The following POLR3G variants were observed in gnomAD, a reference collection of about 807,000 sequenced individuals.
POLR3G encodes the protein DNA-directed RNA polymerase III subunit RPC7.
In POLR3G, 28 loss-of-function variants were observed where a neutral mutation model predicts 30.1. The ratio of observed to expected loss-of-function variants is 0.93; its 90% CI spans 0.69 to 1.27. The LOEUF (loss-of-function observed/expected upper bound fraction) is 1.27, where lower values mean the gene tolerates loss of function less well. Ranked by LOEUF, POLR3G falls within the 50% of genes most tolerant of loss-of-function variation. The pLI, the probability that POLR3G is intolerant of heterozygous loss-of-function variation, is 0.00. For missense variants in POLR3G, 254 were observed against 264.6 expected, an observed-to-expected ratio of 0.96 and a Z score of 0.28; for synonymous variants, 79 against 82.5, an observed-to-expected ratio of 0.96 and a Z score of 0.23.
At chr5:90,493,121 G>A (rs760056152) in intron 3 of POLR3G, among the ~76,000 whole-genome samples, 8 of 152,220 alleles carry the variant, frequency 5.3e-5, no homozygotes, top group Non-Finnish European at 1.2e-4. Flanking sequence ...GGCAGCCGAT[G>A]CACAGAAAAC....
chr5:90,474,145 G>A (rs992594985), upstream of POLR3G: 12 of 1,592,786 alleles, frequency 7.5e-6, no homozygotes, highest in African/African-American at 1.3e-4. Flanking sequence ...AGGCTGCGCA[G>A]CCCCAGGCCT....
intron 2 of POLR3G, among the ~76,000 whole-genome samples, chr5:90,487,626 C>T (rs769065274): frequency 4.0e-5 from 6 of 151,880 alleles, no homozygotes; most frequent in South Asian, 2.1e-4. Context: ...CTCCTGACCT[C>T]GTGATCCACC....
chr5:90,474,831 C>T (rs75765571), upstream of POLR3G: 1,074 of 170,858 alleles, frequency 6.3e-3, 12 homozygotes, highest in African/African-American at 0.024. Context: ...TGGGGCCTTC[C>T]TAGGGAGTGG....
In POLR3G at chr5:90,497,676, G is replaced by T; in HGVS notation, c.325G>T (p.Glu109Ter). The part of the protein sequence containing the change: ...WIPDWRRLPR[E>*]MMPRNKCKKA... Reference sequence around the variant, plus strand: ...TACAGATTGGAGAAGACTTCCAAGAGAGATGATGCCAAGAAATAAATGTAA... The same window carrying T: ...TACAGATTGGAGAAGACTTCCAAGATAGATGATGCCAAGAAATAAATGTAA... The change falls in exon 5 of 8, where the codon GAG (glutamate) becomes TAG (stop). Residue 109 changes from glutamate to a stop codon, truncating the protein, a stop_gained. Coordinates refer to ENST00000651687, the MANE Select transcript of POLR3G (RefSeq NM_006467.3). LOFTEE classifies it high-confidence loss of function. 1 of 1,603,648 alleles carries T rather than the reference G, an allele frequency of 6.2e-7. No homozygotes were observed. Among genetic ancestry groups the T allele is most frequent in the Non-Finnish European group, 8.5e-7 (1 of 1,175,590 alleles).
At chr5:90,499,999 GA>G (rs1366687938) in intron 5 of POLR3G, among the ~76,000 whole-genome samples, 1 of 152,100 alleles carries the variant, frequency 6.6e-6, no homozygotes, top group African/African-American at 2.4e-5. Flanking sequence ...TTAAAGCTGA[GA>G]AAAATGTGTT....
chr5:90,498,144 T>TC (rs896380197), intron 5 of POLR3G, among the ~76,000 whole-genome samples: 1 of 152,156 alleles, frequency 6.6e-6, no homozygotes, highest in South Asian at 2.1e-4. Context: ...CCTCTCTCTG[T>TC]CCCCCCATGT....
chr5:90,495,812 T>G, intron 4 of POLR3G, 79 bp downstream of exon 4: 1 of 1,480,726 alleles, frequency 6.8e-7, no homozygotes, highest in East Asian at 2.5e-5. Context: ...TAGAATAAGT[T>G]TTCTATTTTT....
chr5:90,487,992 T>C lies in POLR3G; in HGVS notation c.118-8T>C. The C allele has an allele frequency of 6.5e-7, 1 of 1,533,814 alleles. No individual in the cohort carries two copies. Among genetic ancestry groups the C allele is most frequent in the African/African-American group, 1.4e-5 (1 of 71,162 alleles). On this transcript the variant is annotated splice_polypyrimidine_tract_variant and splice_region_variant and intron_variant, in intron 2 of 7. Coordinates refer to ENST00000651687, the MANE Select transcript of POLR3G (RefSeq NM_006467.3). ...TTGAAAAAAATCTTTGTCTCTTAAT[T>C]TAAACAGGATACAGATTATAAACCA...
At chr5:90,496,468 T>G (rs1471617559) in intron 4 of POLR3G, among the ~76,000 whole-genome samples, 2 of 152,276 alleles carry the variant, frequency 1.3e-5, no homozygotes, top group Non-Finnish European at 2.9e-5. Flanking sequence ...GATCTTCCTT[T>G]CTTTTAAGCA....
chr5:90,492,605 G>A (rs895478230), intron 3 of POLR3G, among the ~76,000 whole-genome samples: 9 of 152,042 alleles, frequency 5.9e-5, no homozygotes, highest in African/African-American at 2.2e-4. Context: ...GACATCAGCC[G>A]GGCGCAGTGG....
intron 7 of POLR3G, 56 bp downstream of exon 7, chr5:90,506,730 T>A: frequency 6.5e-7 from 1 of 1,541,996 alleles, no homozygotes; most frequent in Non-Finnish European, 8.7e-7. Context: ...TAATAAGGAA[T>A]CAGATATAGA....
intron 3 of POLR3G, chr5:90,490,570 AAT>A: frequency 5.2e-6 from 2 of 387,530 alleles, no homozygotes; most frequent in South Asian, 1.8e-5. Flanking sequence ...GCTAACTTTT[AAT>A]TTTTTTTTTT....
intron 7 of POLR3G, among the ~76,000 whole-genome samples, 183 bp downstream of exon 7, chr5:90,506,857 A>G (rs1268967442): frequency 6.6e-6 from 1 of 152,240 alleles, no homozygotes; most frequent in Non-Finnish European, 1.5e-5. Context: ...GAGAACTATT[A>G]TAGCATTGAA....
At chr5:90,489,966 G>T (rs146061558) in intron 3 of POLR3G, among the ~76,000 whole-genome samples, 2 of 152,056 alleles carry the variant, frequency 1.3e-5, no homozygotes, top group Non-Finnish European at 2.9e-5. Flanking sequence ...AGTTAGCCAG[G>T]CATGGTGGTG....
intron 3 of POLR3G, 149 bp downstream of exon 3, chr5:90,488,278 C>A: frequency 1.8e-6 from 1 of 554,456 alleles, no homozygotes; most frequent in Non-Finnish European, 2.8e-6. Flanking sequence ...GTTGCTTTAA[C>A]AGAAAAAATA....
At chr5:90,503,723 GT>G (rs1299213877) in intron 6 of POLR3G, among the ~76,000 whole-genome samples, 3 of 152,060 alleles carry the variant, frequency 2.0e-5, no homozygotes, top group African/African-American at 4.8e-5. Context: ...GCAGTTCCAA[GT>G]TTTTTTTATA....
At chr5:90,493,322 C>T (rs2562516) in intron 3 of POLR3G, among the ~76,000 whole-genome samples, 31,656 of 151,980 alleles carry the variant, frequency 0.21, 3,396 homozygotes, top group East Asian at 0.32. Flanking sequence ...TCTCAGCTCA[C>T]TGCAGCCTCC....
rs1752855825 is a variant in POLR3G, at chr5:90,514,094, G to A, written c.*1955G>A. 1 of 152,188 alleles carries A rather than the reference G, an allele frequency of 6.6e-6. No homozygotes were observed. Among genetic ancestry groups the A allele is most frequent in the African/African-American group, 2.4e-5 (1 of 41,436 alleles). 9.4% of individuals were successfully genotyped at this position (152,188 alleles called of 1,614,324 possible). Reference sequence around the variant, plus strand: ...CCCTTGGGGCAAGGATTTACTCTGGGAGGTACCGTTAAGAGCCTTCTTTCC... The same window carrying A: ...CCCTTGGGGCAAGGATTTACTCTGGAAGGTACCGTTAAGAGCCTTCTTTCC... On this transcript the variant is annotated 3_prime_UTR_variant, in exon 8 of 8. Coordinates refer to ENST00000651687, the MANE Select transcript of POLR3G (RefSeq NM_006467.3).
At chr5:90,493,533 C>T (rs1751836065) in intron 3 of POLR3G, among the ~76,000 whole-genome samples, 1 of 152,018 alleles carries the variant, frequency 6.6e-6, no homozygotes, top group Non-Finnish European at 1.5e-5. Context: ...CATCCTGAGC[C>T]ACTGTGTTGG....
Sources: gnomAD v4.1 joint callset for allele counts (sites outside exome capture counted in the v4.1 genomes callset) on GRCh38, gnomAD v4.1.1 for gene constraint, MANE v1.5 for transcripts, NCBI Gene and HGNC (gene_info 2026-07-23, HGNC 2026-07-21) for gene names.